The following SMAD2 variants were observed in gnomAD, a reference collection of about 807,000 sequenced individuals.
SMAD2 encodes the protein MAD homolog 2.
Under a neutral mutation model 64.4 loss-of-function variants are expected in SMAD2, and 8 were observed. The observed-to-expected ratio is 0.12, with a 90% CI of 0.07 to 0.22. SMAD2 has a LOEUF of 0.22. Ranked by LOEUF, SMAD2 falls within the 10% of genes least tolerant of loss-of-function variation. The pLI, the probability that SMAD2 is intolerant of heterozygous loss-of-function variation, is 1.00. For synonymous variants in SMAD2, 203 were observed against 195.8 expected, an observed-to-expected ratio of 1.04 and a Z score of -0.31; for missense variants, 289 against 561.2, an observed-to-expected ratio of 0.51 and a Z score of 4.90.
At chr18:47,921,262 TTAAG>T in intron 1 of SMAD2, among the ~76,000 whole-genome samples, 1 of 152,342 alleles carries the variant, frequency 6.6e-6, no homozygotes, top group East Asian at 1.9e-4. Flanking sequence ...AGATGTACTA[TTAAG>T]TGACATATGT....
rs951283893 is a variant in SMAD2, at chr18:47,816,736, T to C, written c.*25091A>G. ...CTTTGTCTTCCTTTACTTCCCTGAA[T>C]ACACACGTAGTTTACCATGACATGG... is the stretch of plus-strand genomic sequence containing the variant. On this transcript the variant is annotated 3_prime_UTR_variant, in exon 11 of 11. Transcript: ENST00000262160. 3 of 151,574 alleles carry C rather than the reference T, an allele frequency of 2.0e-5. No individual in the cohort carries two copies. The highest frequency in any genetic ancestry group is 7.3e-5 in the African/African-American group (3 of 41,302). The allele number at this position is 151,574 out of a possible 1,614,324, so 9.4% of individuals were successfully genotyped here. A position where few individuals can be genotyped will look rare whatever the true frequency, so the allele number is the denominator to read the frequency against.
rs551642544 is a variant in SMAD2 at position 47,827,745 on chromosome 18, G to T, written c.*14082C>A. 1.1e-5 allele frequency: 2 copies of T among 174,498 alleles called. No individual in the cohort carries two copies. Among genetic ancestry groups the T allele is most frequent in the South Asian group, 1.4e-4 (1 of 7,236 alleles). 10.8% of individuals were successfully genotyped at this position (174,498 alleles called of 1,614,324 possible). On this transcript the variant is annotated 3_prime_UTR_variant, in exon 11 of 11. Transcript: ENST00000262160. ...GATCTGCCCGCCTGGGCCTCCCGAG[G>T]TGCTGGGATTGCAGATGGAGTCTCG...
intron 7 of SMAD2, among the ~76,000 whole-genome samples, chr18:47,850,577 T>C (rs1220893816): frequency 4.5e-5 from 2 of 44,010 alleles, no homozygotes; most frequent in African/African-American, 2.4e-4. Flanking sequence ...ATATATTATA[T>C]ATTATATATA....
intron 2 of SMAD2, among the ~76,000 whole-genome samples, chr18:47,885,358 G>C (rs970714479): frequency 2.0e-5 from 3 of 152,014 alleles, no homozygotes; most frequent in Non-Finnish European, 2.9e-5. Flanking sequence ...AATAGACACA[G>C]GATTTCACTA....
intron 6 of SMAD2, among the ~76,000 whole-genome samples, chr18:47,860,095 C>CT (rs1178658725): frequency 2.0e-5 from 3 of 152,100 alleles, no homozygotes; most frequent in African/African-American, 7.2e-5. Flanking sequence ...AACCAGGCCA[C>CT]TGCACTCCAG....
intron 6 of SMAD2, among the ~76,000 whole-genome samples, chr18:47,859,798 G>A (rs1443092985): frequency 6.6e-6 from 1 of 151,886 alleles, no homozygotes; most frequent in African/African-American, 2.4e-5. Context: ...AGACAACAAA[G>A]ACTACTGATT....
At chr18:47,921,749 C>G (rs1302640000) in intron 1 of SMAD2, among the ~76,000 whole-genome samples, 1 of 152,198 alleles carries the variant, frequency 6.6e-6, no homozygotes, top group Non-Finnish European at 1.5e-5. Flanking sequence ...GTAAATCCCC[C>G]AAGGCCACAC....
At chr18:47,922,158 C>A (rs2034586261) in intron 1 of SMAD2, among the ~76,000 whole-genome samples, 1 of 152,146 alleles carries the variant, frequency 6.6e-6, no homozygotes, top group Non-Finnish European at 1.5e-5. Context: ...AATTTCAAAT[C>A]TTCAAACTGC....
Position 47,833,134 on chromosome 18 carries a change from A to G in SMAD2, c.*8693T>C. 1 of 197,210 alleles carries G rather than the reference A, an allele frequency of 5.1e-6. No individual in the cohort carries two copies. Among genetic ancestry groups the G allele is most frequent in the Non-Finnish European group, 1.1e-5 (1 of 94,816 alleles). 12.2% of individuals were successfully genotyped at this position (197,210 alleles called of 1,614,324 possible). On this transcript the variant is annotated 3_prime_UTR_variant, in exon 11 of 11. Coordinates refer to ENST00000262160, the MANE Select transcript of SMAD2 (RefSeq NM_005901.6). ...ACTCAAATGGCTTTCTTTTAATGCT[A>G]GGAAAACTGTCCACCTTTCAACGGT...
rs1307072516 is a variant in SMAD2, at chr18:47,845,660, T to A, written c.1135+3A>T. The A allele has an allele frequency of 6.2e-7, 1 of 1,613,870 alleles. No individual in the cohort carries two copies. Among genetic ancestry groups the A allele is most frequent in the Admixed American group, 1.7e-5 (1 of 60,010 alleles). ...AGGTTTATGTACATTATTGAATCCA[T>A]ACCTGGTGGAATTTTACACACTGTT... On this transcript the variant is annotated splice_donor_region_variant and intron_variant, in intron 9 of 10. Coordinates refer to ENST00000262160, the MANE Select transcript of SMAD2 (RefSeq NM_005901.6).
rs1288714386 is a variant in SMAD2, at chr18:47,930,525, C to A, written c.-218G>T. 2.7e-5 allele frequency: 4 copies of A among 150,638 alleles called. No homozygotes were observed. Among genetic ancestry groups the A allele is most frequent in the Non-Finnish European group, 4.4e-5 (3 of 67,562 alleles). 9.3% of individuals were successfully genotyped at this position (150,638 alleles called of 1,614,324 possible). The stretch of plus-strand genomic sequence containing the variant: ...GGCCGCCGTCTTCCCGCCCCGCCCC[C>A]AGGCCCGGGCCCGGCCGGCGGCCCG... On this transcript the variant is annotated 5_prime_UTR_variant, in exon 1 of 11. Transcript: ENST00000262160.
Position 47,835,467 on chromosome 18 carries a change from G to A in SMAD2, c.*6360C>T, listed in dbSNP as rs188091533. 68 of 200,170 alleles carry A rather than the reference G, an allele frequency of 3.4e-4. No individual in the cohort carries two copies. Among genetic ancestry groups the A allele is most frequent in the African/African-American group, 1.5e-3 (64 of 43,508 alleles). The allele number at this position is 200,170 out of a possible 1,614,324, so 12.4% of individuals were successfully genotyped here. A position where few individuals can be genotyped will look rare whatever the true frequency, so the allele number is the denominator to read the frequency against. Reference sequence around the variant, plus strand: ...TTTTCAGCTCGAACAATCCAAGATTGGGAATAGTAAGAGTGGCAAACAAAT... The same window carrying A: ...TTTTCAGCTCGAACAATCCAAGATTAGGAATAGTAAGAGTGGCAAACAAAT... On this transcript the variant is annotated 3_prime_UTR_variant, in exon 11 of 11. Transcript: ENST00000262160.
intron 2 of SMAD2, among the ~76,000 whole-genome samples, chr18:47,891,766 T>G (rs1228158716): frequency 6.6e-6 from 1 of 152,188 alleles, no homozygotes; most frequent in African/African-American, 2.4e-5. Context: ...GAATTGCCTT[T>G]TAACAGAAAA....
At position 47,821,560 on chromosome 18, in the gene SMAD2, C is replaced by T. The variant is rs562375001; in HGVS notation, c.*20267G>A. 3 of 152,158 alleles carry T rather than the reference C, an allele frequency of 2.0e-5. No individual in the cohort carries two copies. The highest frequency in any genetic ancestry group is 1.9e-4 in the East Asian group (1 of 5,194). The allele number at this position is 152,158 out of a possible 1,614,324, so 9.4% of individuals were successfully genotyped here. On this transcript the variant is annotated 3_prime_UTR_variant, in exon 11 of 11. Transcript: ENST00000262160. ...TTCTTATTTACATTCCTCTATAAGG[C>T]GTACACTCATAACCTTGGAAATACT...
rs1018460374 is a variant in SMAD2, at chr18:47,833,157, G to A, written c.*8670C>T. ...CTAGGAAAACTGTCCACCTTTCAAC[G>A]GTGACAGGGCTGTTAACACAGGTAA... On this transcript the variant is annotated 3_prime_UTR_variant, in exon 11 of 11. Coordinates refer to ENST00000262160, the MANE Select transcript of SMAD2 (RefSeq NM_005901.6). The A allele has an allele frequency of 5.9e-5, 12 of 202,818 alleles. No individual in the cohort carries two copies. Among genetic ancestry groups the A allele is most frequent in the Non-Finnish European group, 9.1e-5 (9 of 98,514 alleles). The allele number at this position is 202,818 out of a possible 1,614,324, so 12.6% of individuals were successfully genotyped here. A position where few individuals can be genotyped will look rare whatever the true frequency, so the allele number is the denominator to read the frequency against.
intron 1 of SMAD2, chr18:47,922,569 C>G (rs1598902568): frequency 6.6e-6 from 1 of 152,096 alleles, no homozygotes; most frequent in Non-Finnish European, 1.5e-5. Context: ...GGGACTTCAG[C>G]GTTCTCATAT....
chr18:47,842,078 G>A (rs1165082580), intron 10 of SMAD2, 128 bp from the exon 11 acceptor site: 5 of 976,710 alleles, frequency 5.1e-6, no homozygotes, highest in Non-Finnish European at 7.9e-6. Flanking sequence ...TTTTGGACAC[G>A]ATTATTCCGC....
At chr18:47,903,889 G>T (rs541416687) in intron 1 of SMAD2, among the ~76,000 whole-genome samples, 3 of 95,854 alleles carry the variant, frequency 3.1e-5, no homozygotes, top group African/African-American at 7.3e-5. Flanking sequence ...GGGGGGGGGG[G>T]ACTCAGAATA....
intron 7 of SMAD2, among the ~76,000 whole-genome samples, chr18:47,850,912 C>T (rs1265452053): frequency 9.3e-6 from 1 of 107,976 alleles, no homozygotes; most frequent in Admixed American, 1.3e-4. Flanking sequence ...TACATGTATA[C>T]ATATTTATGT....
Sources: gnomAD v4.1 joint callset for allele counts (sites outside exome capture counted in the v4.1 genomes callset) on GRCh38, gnomAD v4.1.1 for gene constraint, MANE v1.5 for transcripts, NCBI Gene and HGNC (gene_info 2026-07-23, HGNC 2026-07-21) for gene names.